PLA2G4E: variants seen among roughly 807,000 people sequenced by gnomAD.
The protein encoded by PLA2G4E is phospholipase A2 group IVE.
In PLA2G4E, 84 loss-of-function variants were observed where a neutral mutation model predicts 109.1. The observed-to-expected ratio is 0.77, with a 90% confidence interval of 0.65 to 0.92. The LOEUF (loss-of-function observed/expected upper bound fraction) is 0.92, where lower values mean the gene tolerates loss of function less well. PLA2G4E is among the 40% of genes least tolerant of loss of function. The probability of loss-of-function intolerance (pLI) is 0.00; values close to 1 mark genes in which losing one functional copy is unlikely to be tolerated. For synonymous variants in PLA2G4E, 469 were observed against 436.1 expected (o/e 1.08, Z -0.94); for missense variants, 1,057 against 1,076.6 (o/e 0.98, Z 0.25).
At chr15:41,996,269 G>A (rs1411901799) in intron 11 of PLA2G4E, among the ~76,000 whole-genome samples, 2 of 149,076 alleles carry the variant, frequency 1.3e-5, no homozygotes, top group Non-Finnish European at 3.0e-5. Flanking sequence ...GATTGCTTGA[G>A]CCTGGGAGGT....
chr15:41,987,150 A>G, intron 17 of PLA2G4E, 22 bp downstream of exon 17: 1 of 1,600,276 alleles, frequency 6.2e-7, no homozygotes, highest in Non-Finnish European at 8.6e-7. Context: ...GCAGGCCTCA[A>G]GGAGTAGCCA....
exon 20 of PLA2G4E, chr15:41,983,829 A>G: frequency 6.2e-7 from 1 of 1,611,644 alleles, no homozygotes; most frequent in East Asian, 2.2e-5. Flanking sequence ...GAGTGTCCTT[A>G]TTATTCAGGA....
intron 2 of PLA2G4E, 66 bp from the exon 3 acceptor site, chr15:42,007,931 T>C: frequency 6.6e-7 from 1 of 1,517,332 alleles, no homozygotes; most frequent in East Asian, 2.4e-5. Flanking sequence ...AAAAGGGAAC[T>C]TCAGGCAAGC....
chr15:42,007,787 T>C (rs376354500), exon 3 of PLA2G4E: 2 of 1,612,244 alleles, frequency 1.2e-6, no homozygotes, highest in East Asian at 2.2e-5. Flanking sequence ...ATTTGGGCAG[T>C]TGGAGATGGT....
intron 1 of PLA2G4E, among the ~76,000 whole-genome samples, chr15:42,046,944 T>G (rs1889427090): frequency 6.6e-6 from 1 of 152,124 alleles, no homozygotes; most frequent in Non-Finnish European, 1.5e-5. Context: ...TACTCAGTAA[T>G]GGGAGCCTCC....
Position 41,990,741 on chromosome 15 carries a change from CTT to C in PLA2G4E, c.1471-508_1471-507del, listed in dbSNP as rs1466636158. 4.1e-4 allele frequency among the ~76,000 whole-genome samples: 17 copies of C among 41,010 alleles called. 1 individual carries two copies. In the South Asian group the frequency reaches 8.5e-3, roughly 21 times the overall value. The allele number at this position is 41,010 out of a possible 152,430, so 26.9% of individuals were successfully genotyped here. A position where few individuals can be genotyped will look rare whatever the true frequency, so the allele number is the denominator to read the frequency against. On this transcript the variant is annotated intron_variant, in intron 13 of 19. Transcript: ENST00000399518. Reference sequence around the variant, plus strand: ...CCCTCCCTCCCTCCCCTCCTCTTCCCTTCTTTTTTTTTTTTTTTTTTTTAACA... The same window carrying C: ...CCCTCCCTCCCTCCCCTCCTCTTCCCCTTTTTTTTTTTTTTTTTTTTAACA...
At chr15:42,039,364 T>C (rs1244100165) in intron 1 of PLA2G4E, among the ~76,000 whole-genome samples, 1 of 152,238 alleles carries the variant, frequency 6.6e-6, no homozygotes, top group Non-Finnish European at 1.5e-5. Flanking sequence ...TTTCTATGAC[T>C]GAATTCTATG....
At chr15:42,045,807 T>C (rs1374970846) in intron 1 of PLA2G4E, among the ~76,000 whole-genome samples, 1 of 152,354 alleles carries the variant, frequency 6.6e-6, no homozygotes, top group Non-Finnish European at 1.5e-5. Flanking sequence ...TTCTGCTTTA[T>C]GATTTCAAAC....
At chr15:42,002,287 A>AAAC (rs1555386330) in intron 6 of PLA2G4E, among the ~76,000 whole-genome samples, 9,210 of 140,294 alleles carry the variant, frequency 0.066, 485 homozygotes, top group East Asian at 0.19. Flanking sequence ...AAAAAAAAAA[A>AAAC]GGTAAACTGT....
At chr15:41,999,502 G>C in intron 10 of PLA2G4E, 22 bp downstream of exon 10, 1 of 1,554,202 alleles carries the variant, frequency 6.4e-7, no homozygotes, top group Non-Finnish European at 8.9e-7. Context: ...TGAGAGGCAC[G>C]GACAGAATGC....
chr15:41,995,073 A>C (rs768261488), intron 12 of PLA2G4E, among the ~76,000 whole-genome samples: 13 of 152,274 alleles, frequency 8.5e-5, no homozygotes, highest in Non-Finnish European at 1.9e-4. Flanking sequence ...TAACACCAGG[A>C]AAGGCCAGGG....
chr15:41,992,700 A>T, intron 13 of PLA2G4E, 37 bp downstream of exon 13: 1 of 1,584,870 alleles, frequency 6.3e-7, no homozygotes. Context: ...GGCATCAGCC[A>T]GGGCAGGGTG....
chr15:41,992,709 T>C, intron 13 of PLA2G4E, 28 bp downstream of exon 13: 1 of 1,601,850 alleles, frequency 6.2e-7, no homozygotes, highest in Non-Finnish European at 8.5e-7. Flanking sequence ...CAGGGCAGGG[T>C]GGGGCCCAGG....
chr15:41,990,744 CT>C (rs1228531708), intron 13 of PLA2G4E, among the ~76,000 whole-genome samples: 1,533 of 42,800 alleles, frequency 0.036, 31 homozygotes, highest in African/African-American at 0.058. Context: ...CTCTTCCCTT[CT>C]TTTTTTTTTT....
chr15:42,014,596 A>T (rs1427643469), intron 1 of PLA2G4E, among the ~76,000 whole-genome samples: 1 of 152,100 alleles, frequency 6.6e-6, no homozygotes, highest in Non-Finnish European at 1.5e-5. Flanking sequence ...ACATCTACTC[A>T]CTGGGAGACC....
chr15:42,013,179 T>C (rs1252554906), intron 2 of PLA2G4E, among the ~76,000 whole-genome samples: 1 of 152,232 alleles, frequency 6.6e-6, no homozygotes, highest in Non-Finnish European at 1.5e-5. Flanking sequence ...TGCTGTGGAC[T>C]CTGGCATGGT....
intron 13 of PLA2G4E, among the ~76,000 whole-genome samples, chr15:41,991,397 T>G (rs1351050573): frequency 6.6e-6 from 1 of 152,068 alleles, no homozygotes; most frequent in Admixed American, 6.6e-5. Flanking sequence ...ACTTAAGGAA[T>G]AGTAAAGAGC....
At position 42,045,136 on chromosome 15, in the gene PLA2G4E, C is replaced by T. The variant is rs577636370; in HGVS notation, c.183+5385G>A. On this transcript the variant is annotated intron_variant, in intron 1 of 19. Transcript: ENST00000399518. ...GGCTGTCAAGATCCCACGTGGAGGC[C>T]GGTGGGGAGTCTCAGGGGGCTGAGC... Among the ~76,000 whole-genome samples, 7 of 152,148 alleles carry T rather than the reference C, an allele frequency of 4.6e-5. No homozygotes were observed. The East Asian group carries it at 9.6e-4, about 21-fold the overall frequency.
intron 11 of PLA2G4E, among the ~76,000 whole-genome samples, chr15:41,996,183 C>T (rs2598468): frequency 0.65 from 98,080 of 151,398 alleles, 33,155 homozygotes; most frequent in Non-Finnish European, 0.76. Flanking sequence ...CCCATCTCTA[C>T]AAAAAAATAC....
Sources: gnomAD v4.1 joint callset for allele counts (sites outside exome capture counted in the v4.1 genomes callset) on GRCh38, gnomAD v4.1.1 for gene constraint, MANE v1.5 for transcripts, NCBI Gene and HGNC (gene_info 2026-07-23, HGNC 2026-07-21) for gene names.